FMO3: variants seen among roughly 807,000 people sequenced by gnomAD.
FMO3 encodes flavin-containing monooxygenase 3.
Under a neutral mutation model 39.4 loss-of-function variants are expected in FMO3, and 40 were observed. The observed-to-expected ratio is 1.02, with a 90% confidence interval of 0.79 to 1.32. The LOEUF (loss-of-function observed/expected upper bound fraction) is 1.32. Ranked by LOEUF, FMO3 falls within the 40% of genes most tolerant of loss-of-function variation. FMO3 has a pLI of 0.00. For missense variants in FMO3, 680 were observed against 651.8 expected (o/e 1.04, Z -0.47); for synonymous variants, 219 against 228.8 (o/e 0.96, Z 0.39).
At chr1:171,093,886 G>A (rs544343299) in intron 2 of FMO3, among the ~76,000 whole-genome samples, 3 of 134,162 alleles carry the variant, frequency 2.2e-5, no homozygotes, top group Non-Finnish European at 4.6e-5. Flanking sequence ...CCAGGCTGGA[G>A]GGCAGTGGCG....
chr1:171,108,682 C>G (rs1054229737), intron 5 of FMO3, among the ~76,000 whole-genome samples: 3 of 152,134 alleles, frequency 2.0e-5, no homozygotes, highest in Non-Finnish European at 4.4e-5. Flanking sequence ...ATTTATGATG[C>G]AGGCACACAT....
chr1:171,096,022 ATT>A (rs1654979106), intron 2 of FMO3, among the ~76,000 whole-genome samples: 2 of 71,104 alleles, frequency 2.8e-5, no homozygotes, highest in African/African-American at 6.6e-5. Context: ...CATATTATAT[ATT>A]AATATATAAT....
intron 2 of FMO3, among the ~76,000 whole-genome samples, chr1:171,101,357 G>A (rs772952411): frequency 4.6e-5 from 7 of 152,206 alleles, no homozygotes; most frequent in South Asian, 2.1e-4. Flanking sequence ...GTTTTTCAGC[G>A]TTTCCTATTT....
In FMO3 at chr1:171,103,860, C is replaced by T; in HGVS notation, c.208C>T (p.Pro70Ser). Residue 70 changes from proline (P) to serine (S), a missense_variant, in exon 3 of 9, where the codon CCA becomes TCA. Coordinates refer to ENST00000367755, the MANE Select transcript of FMO3 (RefSeq NM_001002294.3). ...CTCTTCCAAAGAGATGATGTGTTTCCCAGACTTCCCATTTCCCGATGACTT... is the reference window on the plus strand; with the variant it reads ...CTCTTCCAAAGAGATGATGTGTTTCTCAGACTTCCCATTTCCCGATGACTT... ...SNSSKEMMCF[P>S]DFPFPDDFPN... The T allele has an allele frequency of 6.2e-7, 1 of 1,613,766 alleles. No individual in the cohort carries two copies. Among genetic ancestry groups the T allele is most frequent in the Non-Finnish European group, 8.5e-7 (1 of 1,179,758 alleles).
chr1:171,095,798 T>C (rs964124964), intron 2 of FMO3, among the ~76,000 whole-genome samples: 1 of 127,858 alleles, frequency 7.8e-6, no homozygotes, highest in African/African-American at 2.9e-5. Flanking sequence ...ATATAAAAAA[T>C]ATAAATATAT....
chr1:171,116,284 A>T lies in FMO3; in HGVS notation c.1256+4A>T. The T allele has an allele frequency of 1.3e-6, 2 of 1,497,650 alleles. No individual in the cohort carries two copies. Among genetic ancestry groups the T allele is most frequent in the Non-Finnish European group, 1.9e-6 (2 of 1,074,554 alleles). The allele number at this position is 1,497,650 out of a possible 1,614,324, so 92.8% of individuals were successfully genotyped here. A position where few individuals can be genotyped will look rare whatever the true frequency, so the allele number is the denominator to read the frequency against. The stretch of plus-strand genomic sequence containing the variant: ...AAATGGAGAAAAAGCGCAAATGGTA[A>T]GAGTACCTATTGTAATAGGAGTGTA... On this transcript the variant is annotated splice_donor_region_variant and intron_variant, in intron 8 of 8. Transcript: ENST00000367755.
chr1:171,109,526 CTT>C (rs780479699), intron 5 of FMO3, among the ~76,000 whole-genome samples: 7 of 58,998 alleles, frequency 1.2e-4, no homozygotes, highest in African/African-American at 2.8e-4. Context: ...TTAGTCTCTT[CTT>C]TTTTTTTTTT....
In FMO3 at chr1:171,110,977, T is replaced by C. The variant is rs1162521229; in HGVS notation, c.807T>C (p.Tyr269=). The C allele has an allele frequency of 4.3e-6, 7 of 1,613,560 alleles. No homozygotes were observed. The Admixed American group carries it at 5.0e-5, about 12-fold the overall frequency. The change falls in exon 6 of 9, where the codon TAT becomes TAC. Residue 269 remains tyrosine, a synonymous_variant. Coordinates refer to ENST00000367755, the MANE Select transcript of FMO3 (RefSeq NM_001002294.3). ...ATGCAAGATTCAAGCATGAAAACTA[T>C]GGCTTGATGCCTTTAAATGGGTAAT... ...QMNARFKHEN[Y]GLMPLNGVLR...
At chr1:171,092,909 G>A in intron 2 of FMO3, 119 bp downstream of exon 2, 1 of 1,093,756 alleles carries the variant, frequency 9.1e-7, no homozygotes, top group Admixed American at 2.0e-5. Context: ...TGTTAGAATT[G>A]GAATCCACTA....
In FMO3 at chr1:171,107,763, C is replaced by T. The variant is rs1353702156; in HGVS notation, c.410C>T (p.Ser137Leu). 9 of 1,613,634 alleles carry T rather than the reference C, an allele frequency of 5.6e-6. No homozygotes were observed. The highest frequency in any genetic ancestry group is 2.2e-5 in the East Asian group (1 of 44,862). ...ACTGAAAGGGATGGTAAAAAAGAAT[C>T]GGCTGTCTTTGATGCTGTAATGGTT... is the stretch of plus-strand genomic sequence containing the variant. Reference protein sequence around the residue: ...VTTERDGKKESAVFDAVMVCS... With the variant: ...VTTERDGKKELAVFDAVMVCS... Residue 137 changes from serine (S) to leucine (L), a missense_variant, in exon 4 of 9, where the codon TCG (serine) becomes TTG (leucine). Physicochemically the swap from Ser to Leu is moderately radical, Grantham distance 145. Transcript: ENST00000367755.
chr1:171,095,200 G>A (rs1311818898), intron 2 of FMO3, among the ~76,000 whole-genome samples: 1 of 152,056 alleles, frequency 6.6e-6, no homozygotes, highest in African/African-American at 2.4e-5. Context: ...CATTTGGTGA[G>A]GCTACCAAAG....
At chr1:171,096,765 TA>T (rs1655108568) in intron 2 of FMO3, among the ~76,000 whole-genome samples, 1 of 129,068 alleles carries the variant, frequency 7.7e-6, no homozygotes, top group Non-Finnish European at 1.6e-5. Context: ...TAAAAATATA[TA>T]ATTAATATAA....
chr1:171,093,532 T>G (rs533555404), intron 2 of FMO3, among the ~76,000 whole-genome samples: 23 of 152,040 alleles, frequency 1.5e-4, no homozygotes, highest in Non-Finnish European at 2.6e-4. Flanking sequence ...TATGCGTCTG[T>G]GTGTATATAT....
intron 8 of FMO3, 126 bp from the exon 9 acceptor site, chr1:171,116,974 A>AT (rs1656182797): frequency 1.3e-6 from 1 of 757,314 alleles, no homozygotes; most frequent in South Asian, 1.5e-5. Flanking sequence ...AGTGTGGGAA[A>AT]TTTTTTTAGA....
At chr1:171,107,994 G>A (rs1655724733) in intron 4 of FMO3, 85 bp from the exon 5 acceptor site, 17 of 1,437,066 alleles carry the variant, frequency 1.2e-5, no homozygotes, top group Middle Eastern at 1.7e-4. Context: ...TATTGTGACT[G>A]CATCTATTCA....
At position 171,114,280 on chromosome 1, in the gene FMO3, A is replaced by G; in HGVS notation, c.1101A>G (p.Ala367=). 1 of 1,613,956 alleles carries G rather than the reference A, an allele frequency of 6.2e-7. No homozygotes were observed. Among genetic ancestry groups the G allele is most frequent in the African/African-American group, 1.3e-5 (1 of 75,036 alleles). The stretch of plus-strand genomic sequence containing the variant: ...CTCTACTTGAGAAGTCAACCATAGC[A>G]GTGATTGGCTTTGTCCAGTCCCTTG... The part of the protein sequence containing the change: ...FPPLLEKSTI[A]VIGFVQSLGA... The change falls in exon 7 of 9, where the codon GCA becomes GCG. Residue 367 remains alanine, a synonymous_variant. Coordinates refer to ENST00000367755, the MANE Select transcript of FMO3 (RefSeq NM_001002294.3).
chr1:171,108,744 G>C (rs1455780776), intron 5 of FMO3, among the ~76,000 whole-genome samples: 1 of 152,178 alleles, frequency 6.6e-6, no homozygotes, highest in African/African-American at 2.4e-5. Context: ...CACTGGGTTG[G>C]GTGCTGAAGA....
chr1:171,096,260 TTA>T (rs1407918867), intron 2 of FMO3, among the ~76,000 whole-genome samples: 33 of 76,016 alleles, frequency 4.3e-4, no homozygotes, highest in African/African-American at 1.0e-3. Flanking sequence ...TTATATAATT[TTA>T]TATATATAAA....
At position 171,117,252 on chromosome 1, in the gene FMO3, A is replaced by G. The variant is rs1178766281; in HGVS notation, c.1409A>G (p.Gln470Arg). The G allele has an allele frequency of 1.2e-6, 2 of 1,614,184 alleles. No homozygotes were observed. The highest frequency in any genetic ancestry group is 1.7e-6 in the Non-Finnish European group (2 of 1,180,016). ...TATTTTGGCCCTTGTAGTCCCTACC[A>G]GTTTAGGCTGGTGGGCCCAGGGCAG... Reference protein sequence around the residue: ...EVYFGPCSPYQFRLVGPGQWP... With the variant: ...EVYFGPCSPYRFRLVGPGQWP... Residue 470 changes from glutamine (Q) to arginine (R), a missense_variant, in exon 9 of 9, where the codon CAG (glutamine) becomes CGG (arginine). Transcript: ENST00000367755.
Sources: allele counts gnomAD v4.1 joint callset (sites outside exome capture counted in the v4.1 genomes callset), GRCh38; gene constraint gnomAD v4.1.1; transcripts MANE v1.5; gene names NCBI Gene and HGNC (gene_info 2026-07-23, HGNC 2026-07-21).